Variants in MAP1LC3B2 observed in about 807,000 individuals in gnomAD.
MAP1LC3B2 encodes microtubule-associated protein 1 light chain 3 beta 2.
For missense variants in MAP1LC3B2, 155 were observed against 154.6 expected, an observed-to-expected ratio of 1.00 and a Z score of -0.01; for synonymous variants, 62 against 57.8, an observed-to-expected ratio of 1.07 and a Z score of -0.33.
intron 1 of MAP1LC3B2, among the ~76,000 whole-genome samples, chr12:116,569,383 C>T (rs1161878799): frequency 6.6e-6 from 1 of 152,120 alleles, no homozygotes; most frequent in Non-Finnish European, 1.5e-5. Context: ...TTCTCTCTGG[C>T]TTATCCAGAG....
intron 1 of MAP1LC3B2, among the ~76,000 whole-genome samples, chr12:116,575,086 A>AGGAGAATCACTCCAACCCAGAAGGC (rs1869635891): frequency 6.6e-6 from 1 of 151,656 alleles, no homozygotes; most frequent in Non-Finnish European, 1.5e-5. Flanking sequence ...AGACTGAGGC[A>AGGAGAATCACTCCAACCCAGAAGGC]GGAGAATCAC....
intron 1 of MAP1LC3B2, among the ~76,000 whole-genome samples, chr12:116,574,040 G>A (rs1259251299): frequency 6.6e-6 from 1 of 152,132 alleles, no homozygotes; most frequent in Non-Finnish European, 1.5e-5. Flanking sequence ...GAGCTCGTGA[G>A]GGTGTAAGAA....
At chr12:116,560,226 A>ATATATATATGTATGTATATG (rs1869231189) in intron 1 of MAP1LC3B2, 9 of 101,098 alleles carry the variant, frequency 8.9e-5, no homozygotes, top group African/African-American at 3.6e-4. Flanking sequence ...ATATATATAT[A>ATATATATATGTATGTATATG]TATATATATA....
chr12:116,560,337 C>T (rs532109957), intron 1 of MAP1LC3B2, among the ~76,000 whole-genome samples: 268 of 151,406 alleles, frequency 1.8e-3, no homozygotes, highest in Non-Finnish European at 3.2e-4. Context: ...CAACCTCTGC[C>T]TCCTGGGTTC....
At chr12:116,563,224 G>A (rs1869313424) in intron 1 of MAP1LC3B2, among the ~76,000 whole-genome samples, 1 of 152,136 alleles carries the variant, frequency 6.6e-6, no homozygotes, top group Non-Finnish European at 1.5e-5. Context: ...CTCCCAAAGT[G>A]CTGGGATTAC....
intron 1 of MAP1LC3B2, among the ~76,000 whole-genome samples, chr12:116,561,602 C>G (rs1869273314): frequency 6.6e-6 from 1 of 152,034 alleles, no homozygotes; most frequent in Admixed American, 6.5e-5. Flanking sequence ...GTCGAGGGTC[C>G]CTGGTTGTAG....
intron 1 of MAP1LC3B2, among the ~76,000 whole-genome samples, chr12:116,574,929 G>A (rs954711667): frequency 2.6e-5 from 4 of 151,928 alleles, no homozygotes; most frequent in South Asian, 2.1e-4. Flanking sequence ...GTCAGCGGGT[G>A]CAGTGGCTCA....
intron 1 of MAP1LC3B2, among the ~76,000 whole-genome samples, chr12:116,565,991 C>G (rs1003797096): frequency 2.6e-5 from 4 of 152,194 alleles, no homozygotes; most frequent in Non-Finnish European, 2.9e-5. Context: ...GTTCTTTCCC[C>G]TGACATCTCT....
intron 1 of MAP1LC3B2, among the ~76,000 whole-genome samples, chr12:116,562,871 C>T (rs1346029767): frequency 6.6e-6 from 1 of 152,200 alleles, no homozygotes; most frequent in East Asian, 1.9e-4. Flanking sequence ...TATCTACTCA[C>T]TTATTTATGA....
At chr12:116,566,617 A>G (rs1400834993) in intron 1 of MAP1LC3B2, among the ~76,000 whole-genome samples, 6 of 44,462 alleles carry the variant, frequency 1.3e-4, no homozygotes, top group East Asian at 2.8e-3. Context: ...GTCAGTGATT[A>G]AAAAAAAAAA....
intron 1 of MAP1LC3B2, among the ~76,000 whole-genome samples, chr12:116,566,173 T>C (rs775445369): frequency 6.6e-6 from 1 of 152,206 alleles, no homozygotes; most frequent in Non-Finnish European, 1.5e-5. Flanking sequence ...GAATAAAACT[T>C]GCTTGGGGGT....
intron 1 of MAP1LC3B2, among the ~76,000 whole-genome samples, chr12:116,570,052 C>T (rs1428399186): frequency 6.6e-6 from 1 of 151,846 alleles, no homozygotes; most frequent in Non-Finnish European, 1.5e-5. Flanking sequence ...GACTCCATCT[C>T]AAAAATAAAA....
At chr12:116,570,821 T>C (rs1438651509) in intron 1 of MAP1LC3B2, among the ~76,000 whole-genome samples, 3 of 152,218 alleles carry the variant, frequency 2.0e-5, no homozygotes, top group Non-Finnish European at 4.4e-5. Context: ...GTGAATTAAA[T>C]GCATTTTCAA....
At chr12:116,572,974 A>T (rs1869577097) in intron 1 of MAP1LC3B2, among the ~76,000 whole-genome samples, 1 of 152,050 alleles carries the variant, frequency 6.6e-6, no homozygotes, top group Non-Finnish European at 1.5e-5. Flanking sequence ...TCTGTCTCCC[A>T]GGGCCAGTGG....
chr12:116,561,929 C>T (rs1869280876), intron 1 of MAP1LC3B2, among the ~76,000 whole-genome samples: 1 of 152,210 alleles, frequency 6.6e-6, no homozygotes. Context: ...ATCTATGACA[C>T]TATCTTTTGC....
In MAP1LC3B2 at chr12:116,566,635, A is replaced by C. The variant is rs990108949; in HGVS notation, c.-102+7202A>C. On this transcript the variant is annotated intron_variant, in intron 1 of 1. Coordinates refer to ENST00000556529, the MANE Select transcript of MAP1LC3B2 (RefSeq NM_001085481.3). ...AGTGATTAAAAAAAAAAAAAAAAAAAAAAACAAGAATTGAGGCCAGGTGTG... is the reference window on the plus strand; with the variant it reads ...AGTGATTAAAAAAAAAAAAAAAAAACAAAACAAGAATTGAGGCCAGGTGTG... Among the ~76,000 whole-genome samples the C allele has an allele frequency of 4.0e-5, 6 of 150,246 alleles. No homozygotes were observed. In the South Asian group the frequency reaches 8.4e-4, roughly 21 times the overall value.
Position 116,567,699 on chromosome 12 carries a change from G to A in MAP1LC3B2, c.-101-8143G>A, listed in dbSNP as rs186257622. 2.2e-3 allele frequency among the ~76,000 whole-genome samples: 340 copies of A among 152,042 alleles called. 2 individuals carry two copies. The highest frequency in any genetic ancestry group is 7.8e-3 in the African/African-American group (322 of 41,482). On this transcript the variant is annotated intron_variant, in intron 1 of 1. Transcript: ENST00000556529. ...AGAGGTGGAGTTTGCAGTGAGCCGAGATTGTGTCACTGCACTCCAGCCTGG... is the reference window on the plus strand; with the variant it reads ...AGAGGTGGAGTTTGCAGTGAGCCGAAATTGTGTCACTGCACTCCAGCCTGG...
intron 1 of MAP1LC3B2, among the ~76,000 whole-genome samples, chr12:116,570,113 T>C (rs1159968711): frequency 1.3e-5 from 2 of 152,108 alleles, no homozygotes; most frequent in Admixed American, 1.3e-4. Flanking sequence ...AAGTTGTATA[T>C]CATTATTGTC....
At chr12:116,562,779 G>A (rs1365425031) in intron 1 of MAP1LC3B2, among the ~76,000 whole-genome samples, 1 of 152,148 alleles carries the variant, frequency 6.6e-6, no homozygotes, top group African/African-American at 2.4e-5. Context: ...TCGTTTCTGT[G>A]TCTTGATTCT....
Sources: gnomAD v4.1 joint callset for allele counts (sites outside exome capture counted in the v4.1 genomes callset) on GRCh38, gnomAD v4.1.1 for gene constraint, MANE v1.5 for transcripts, NCBI Gene and HGNC (gene_info 2026-07-23, HGNC 2026-07-21) for gene names.